TRPM3: variants seen among roughly 807,000 people sequenced by gnomAD.
TRPM3 encodes long transient receptor potential channel 3.
A neutral mutation model predicts 181.2 loss-of-function variants in TRPM3; 77 were observed. That is an observed-to-expected ratio of 0.42 (90% CI 0.35 to 0.51). The LOEUF is 0.51. TRPM3 is among the 20% of genes least tolerant of loss of function. TRPM3 has a pLI of 0.01. For missense variants in TRPM3, 1,759 were observed against 2,196.7 expected, an observed-to-expected ratio of 0.80 and a Z score of 3.98; for synonymous variants, 745 against 796.4, an observed-to-expected ratio of 0.94 and a Z score of 1.09.
At chr9:70,801,336 T>C (rs2088946590) in intron 6 of TRPM3, among the ~76,000 whole-genome samples, 1 of 152,204 alleles carries the variant, frequency 6.6e-6, no homozygotes, top group African/African-American at 2.4e-5. Flanking sequence ...CCTGGTTTCC[T>C]GGGATCAAGT....
intron 1 of TRPM3, among the ~76,000 whole-genome samples, chr9:71,025,895 G>A (rs1230881452): frequency 6.6e-6 from 1 of 152,174 alleles, no homozygotes; most frequent in Admixed American, 6.5e-5. Context: ...TAGATGCTGG[G>A]CTGAAGAGGG....
chr9:71,256,320 G>A (rs918268572), intron 1 of TRPM3, among the ~76,000 whole-genome samples: 10 of 152,010 alleles, frequency 6.6e-5, no homozygotes, highest in Admixed American at 2.0e-4. Context: ...CCCCTCTCTC[G>A]ACAGTGGTGT....
chr9:71,020,327 A>C (rs988954346), intron 1 of TRPM3, among the ~76,000 whole-genome samples: 1 of 152,050 alleles, frequency 6.6e-6, no homozygotes, highest in African/African-American at 2.4e-5. Flanking sequence ...AAAATCAAAT[A>C]AAATTAACCA....
At chr9:70,792,005 T>C (rs749766454) in intron 6 of TRPM3, among the ~76,000 whole-genome samples, 2 of 152,084 alleles carry the variant, frequency 1.3e-5, no homozygotes, top group African/African-American at 2.4e-5. Flanking sequence ...AGTGGATGAG[T>C]AGATTGAATG....
chr9:70,970,699 C>T (rs1484898126), intron 1 of TRPM3, among the ~76,000 whole-genome samples: 2 of 152,074 alleles, frequency 1.3e-5, no homozygotes, highest in Non-Finnish European at 2.9e-5. Context: ...GGTGATGAGG[C>T]CAAAGTGAAT....
chr9:70,664,642 T>TC (rs1491193330), intron 9 of TRPM3, among the ~76,000 whole-genome samples: 1 of 5,514 alleles, frequency 1.8e-4, no homozygotes, highest in African/African-American at 4.7e-4. Flanking sequence ...AGGAGAGTAG[T>TC]TTTTTTTTTT....
intron 6 of TRPM3, among the ~76,000 whole-genome samples, chr9:70,798,042 G>T (rs143134157): frequency 6.6e-6 from 1 of 152,240 alleles, no homozygotes; most frequent in East Asian, 1.9e-4. Flanking sequence ...ATGCAGAAAA[G>T]GAGTACTATT....
intron 1 of TRPM3, among the ~76,000 whole-genome samples, chr9:71,179,335 T>A (rs909152116): frequency 1.3e-5 from 2 of 152,180 alleles, no homozygotes; most frequent in Middle Eastern, 3.4e-3. Flanking sequence ...CCACTCACGA[T>A]TGTAAAAGTG....
At chr9:71,164,179 G>GGTTCC (rs2076414655) in intron 1 of TRPM3, among the ~76,000 whole-genome samples, 1 of 152,188 alleles carries the variant, frequency 6.6e-6, no homozygotes, top group Non-Finnish European at 1.5e-5. Flanking sequence ...CAGTTGGCTG[G>GGTTCC]ACAACCACTT....
At chr9:71,004,863 TCAAA>T (rs1385848759) in intron 1 of TRPM3, among the ~76,000 whole-genome samples, 3 of 152,040 alleles carry the variant, frequency 2.0e-5, no homozygotes, top group South Asian at 2.1e-4. Context: ...ACAGACTTGA[TCAAA>T]CAGAGGAAAG....
chr9:71,304,439 T>C (rs1407078153), intron 1 of TRPM3, among the ~76,000 whole-genome samples: 1 of 152,170 alleles, frequency 6.6e-6, no homozygotes, highest in Non-Finnish European at 1.5e-5. Flanking sequence ...TGGTTTAAGC[T>C]GTAAATAAGC....
intron 1 of TRPM3, among the ~76,000 whole-genome samples, chr9:71,113,112 C>G (rs1261593265): frequency 6.6e-6 from 1 of 152,168 alleles, no homozygotes; most frequent in African/African-American, 2.4e-5. Flanking sequence ...AACACAGCAG[C>G]CTCTTGGTCT....
chr9:71,280,312 C>T (rs910020147), intron 1 of TRPM3, among the ~76,000 whole-genome samples: 3 of 151,996 alleles, frequency 2.0e-5, no homozygotes, highest in Non-Finnish European at 4.4e-5. Context: ...TTAGGGAAGT[C>T]TCATTATGAT....
In TRPM3 at chr9:70,549,685, A is replaced by G. The variant is rs1201364945; in HGVS notation, c.3575-11T>C. The G allele has an allele frequency of 1.3e-6, 2 of 1,580,996 alleles. No individual in the cohort carries two copies. Among genetic ancestry groups the G allele is most frequent in the Non-Finnish European group, 1.7e-6 (2 of 1,172,150 alleles). On this transcript the variant is annotated splice_polypyrimidine_tract_variant and intron_variant, in intron 24 of 25. Coordinates refer to ENST00000677713, the MANE Select transcript of TRPM3 (RefSeq NM_001366145.2). ...CGGTTATGAAGAGTTCTGTGGAAAA[A>G]AAAAAAAAGGAAGTCTTGAGGGAGA...
chr9:71,290,080 A>AG (rs2085671069), intron 1 of TRPM3, among the ~76,000 whole-genome samples: 1 of 151,674 alleles, frequency 6.6e-6, no homozygotes. Flanking sequence ...AAAAAGTACA[A>AG]AAAAAGGAGA....
chr9:71,331,591 A>G lies in TRPM3; in HGVS notation c.183+115062T>C, dbSNP rs545361759. 4.6e-3 allele frequency among the ~76,000 whole-genome samples: 694 copies of G among 151,182 alleles called. 16 individuals carry two copies. The highest frequency in any genetic ancestry group is 0.015 in the African/African-American group (622 of 41,216). On this transcript the variant is annotated intron_variant, in intron 1 of 24. Coordinates refer to the TRPM3 transcript ENST00000357533. ...AAGCATGCTTTTTACATTTCTTATC[A>G]TTTAGTTTATATTCTAAAAATAAGG...
intron 8 of TRPM3, among the ~76,000 whole-genome samples, chr9:70,759,023 C>G (rs1325445897): frequency 6.6e-6 from 1 of 152,130 alleles, no homozygotes; most frequent in Non-Finnish European, 1.5e-5. Flanking sequence ...GCAAAAGAAA[C>G]TATCATCAGA....
At chr9:71,099,441 T>C (rs1039970585) in intron 1 of TRPM3, among the ~76,000 whole-genome samples, 9 of 152,176 alleles carry the variant, frequency 5.9e-5, no homozygotes, top group African/African-American at 1.2e-4. Context: ...AGACACTTTA[T>C]AGAAAAAGAG....
At chr9:71,286,805 T>C (rs2085309766) in intron 1 of TRPM3, among the ~76,000 whole-genome samples, 1 of 151,584 alleles carries the variant, frequency 6.6e-6, no homozygotes, top group Non-Finnish European at 1.5e-5. Context: ...TTTTCCTGTT[T>C]TTCAAAATGC....
Sources: gnomAD v4.1 joint callset for allele counts (sites outside exome capture counted in the v4.1 genomes callset) on GRCh38, gnomAD v4.1.1 for gene constraint, MANE v1.5 for transcripts, NCBI Gene and HGNC (gene_info 2026-07-23, HGNC 2026-07-21) for gene names.